HTR2C: variants seen among roughly 807,000 people sequenced by gnomAD.
The protein encoded by HTR2C is 5-hydroxytryptamine receptor 2C.
HTR2C carries 5 observed loss-of-function variants against 21.0 expected under a neutral mutation model. The observed-to-expected ratio is 0.24, with a 90% CI of 0.12 to 0.50. The LOEUF is 0.50. Among genes scored for constraint, HTR2C ranks in the 20% least tolerant of loss-of-function variants. The pLI, the probability that HTR2C is intolerant of heterozygous loss-of-function variation, is 0.98. For missense variants in HTR2C, 271 were observed against 371.2 expected, an observed-to-expected ratio of 0.73 and a Z score of 2.22; for synonymous variants, 150 against 145.3, an observed-to-expected ratio of 1.03 and a Z score of -0.23.
At chrX:114,748,289 C>T (rs183585355) in intron 4 of HTR2C, among the ~76,000 whole-genome samples, 16 of 111,764 alleles carry the variant, frequency 1.4e-4, no homozygotes, top group Non-Finnish European at 3.0e-4. Flanking sequence ...AGAGATATAT[C>T]CTGATTATGG....
chrX:114,637,807 A>G lies in HTR2C; in HGVS notation c.-80+23926A>G, dbSNP rs144558412. Among the ~76,000 whole-genome samples the G allele has an allele frequency of 2.2e-3, 247 of 111,441 alleles. 1 individual carries two copies. The highest frequency in any genetic ancestry group is 3.0e-3 in the Non-Finnish European group (160 of 53,102). On this transcript the variant is annotated intron_variant, in intron 2 of 5. Coordinates refer to ENST00000276198, the MANE Select transcript of HTR2C (RefSeq NM_000868.4). ...CTTAGAAAACCTGAAAAGCCATGAC[A>G]TTGAGCAAGGCAAACTGGGTTTTAA... is the stretch of plus-strand genomic sequence containing the variant.
intron 1 of HTR2C, among the ~76,000 whole-genome samples, chrX:114,595,372 C>T (rs1242760092): frequency 2.9e-4 from 20 of 69,352 alleles, no homozygotes; most frequent in African/African-American, 9.9e-4. Context: ...TGTGTGTCAC[C>T]GTGCCCAGGT....
At chrX:114,753,741 C>T (rs1556428854) in intron 4 of HTR2C, among the ~76,000 whole-genome samples, 1 of 111,917 alleles carries the variant, frequency 8.9e-6, no homozygotes, top group African/African-American at 3.2e-5. Context: ...TTATAGTTAA[C>T]ATTACAAAAT....
At chrX:114,776,281 A>G in intron 4 of HTR2C, 1 of 593,071 alleles carries the variant, frequency 1.7e-6, no homozygotes, top group Non-Finnish European at 3.0e-6. Flanking sequence ...CATTGAGACC[A>G]GCAATAGTTC....
chrX:114,732,041 TA>T (rs1437472271), intron 4 of HTR2C, among the ~76,000 whole-genome samples: 1 of 111,779 alleles, frequency 8.9e-6, no homozygotes, highest in Non-Finnish European at 1.9e-5. Flanking sequence ...GCTGCCAAAC[TA>T]AGTGGTTGAC....
intron 2 of HTR2C, among the ~76,000 whole-genome samples, chrX:114,701,825 G>A (rs1377027057): frequency 9.0e-6 from 1 of 111,634 alleles, no homozygotes; most frequent in African/African-American, 3.3e-5. Context: ...AAATTTAGAC[G>A]AATGTATAAC....
intron 5 of HTR2C, among the ~76,000 whole-genome samples, chrX:114,894,079 G>A (rs1383092022): frequency 9.0e-6 from 1 of 111,599 alleles, no homozygotes; most frequent in Non-Finnish European, 1.9e-5. Flanking sequence ...TTGCGGATGG[G>A]ACTGCAAAAT....
intron 4 of HTR2C, among the ~76,000 whole-genome samples, chrX:114,796,053 T>C (rs1001620370): frequency 9.0e-6 from 1 of 111,567 alleles, no homozygotes; most frequent in Non-Finnish European, 1.9e-5. Context: ...CATATATAGA[T>C]ATAGAGATAA....
chrX:114,752,896 G>T (rs782033006), intron 4 of HTR2C, among the ~76,000 whole-genome samples: 1 of 110,589 alleles, frequency 9.0e-6, no homozygotes, highest in Admixed American at 9.7e-5. Context: ...AAAAAAACTT[G>T]TATTATTATG....
intron 2 of HTR2C, among the ~76,000 whole-genome samples, chrX:114,682,511 G>C (rs1044468766): frequency 9.0e-6 from 1 of 110,723 alleles, no homozygotes; most frequent in Non-Finnish European, 1.9e-5. Flanking sequence ...CTCTTTTTAG[G>C]ATTTCAAAGT....
At chrX:114,698,846 G>T (rs1321381448) in intron 2 of HTR2C, among the ~76,000 whole-genome samples, 1 of 111,696 alleles carries the variant, frequency 9.0e-6, no homozygotes, top group Non-Finnish European at 1.9e-5. Context: ...CGAAAAAAGA[G>T]GCTTAGGAAT....
rs1285339786 is a variant in HTR2C at position 114,909,427 on chromosome X, C to A, written c.*2012C>A. 5 of 112,209 alleles carry A rather than the reference C, an allele frequency of 4.5e-5. No homozygotes were observed. The highest frequency in any genetic ancestry group is 9.4e-5 in the Non-Finnish European group (5 of 53,193). 9.2% of individuals were successfully genotyped at this position (112,209 alleles called of 1,213,427 possible). On this transcript the variant is annotated 3_prime_UTR_variant, in exon 6 of 6. Coordinates refer to ENST00000276198, the MANE Select transcript of HTR2C (RefSeq NM_000868.4). ...GGCAGAATAGCTGATAGAAGAAGGA[C>A]TGAAGAAAATCCTTCAGCAATCCTT...
chrX:114,891,849 T>C (rs967132890), intron 5 of HTR2C, among the ~76,000 whole-genome samples: 1 of 111,285 alleles, frequency 9.0e-6, no homozygotes, highest in African/African-American at 3.3e-5. Context: ...TTCCTAGTTT[T>C]CAGAGAATTT....
intron 4 of HTR2C, among the ~76,000 whole-genome samples, chrX:114,783,397 T>C (rs1280931701): frequency 2.7e-5 from 3 of 112,003 alleles, no homozygotes; most frequent in Non-Finnish European, 5.6e-5. Context: ...GTTAACTTCA[T>C]AGTTATACAA....
chrX:114,791,694 T>C (rs1225709746), intron 4 of HTR2C, among the ~76,000 whole-genome samples: 2 of 111,201 alleles, frequency 1.8e-5, no homozygotes, highest in African/African-American at 6.5e-5. Flanking sequence ...TTTACAGTGA[T>C]AAACAAAAAG....
chrX:114,619,521 G>A (rs1370591298), intron 2 of HTR2C, among the ~76,000 whole-genome samples: 1 of 111,100 alleles, frequency 9.0e-6, no homozygotes, highest in Non-Finnish European at 1.9e-5. Flanking sequence ...AGTTCCTTGA[G>A]CACATGCTCT....
At chrX:114,852,553 C>G (rs782355534) in intron 5 of HTR2C, among the ~76,000 whole-genome samples, 1 of 111,707 alleles carries the variant, frequency 9.0e-6, no homozygotes, top group Non-Finnish European at 1.9e-5. Context: ...CTGGAAATCA[C>G]TCTATCAATT....
At chrX:114,695,219 T>G (rs1932241819) in intron 2 of HTR2C, among the ~76,000 whole-genome samples, 1 of 112,434 alleles carries the variant, frequency 8.9e-6, no homozygotes, top group Admixed American at 9.4e-5. Flanking sequence ...TTAGAGACCC[T>G]AAAATGAACC....
At chrX:114,682,635 T>A (rs1428954544) in intron 2 of HTR2C, among the ~76,000 whole-genome samples, 1 of 111,433 alleles carries the variant, frequency 9.0e-6, no homozygotes, top group Non-Finnish European at 1.9e-5. Flanking sequence ...ACATTCTTCA[T>A]AGAAATAAAT....
Sources: allele counts gnomAD v4.1 joint callset (sites outside exome capture counted in the v4.1 genomes callset), GRCh38; gene constraint gnomAD v4.1.1; transcripts MANE v1.5; gene names NCBI Gene and HGNC (gene_info 2026-07-23, HGNC 2026-07-21).